The following PCDHGB4 variants were observed in gnomAD, a reference collection of about 807,000 sequenced individuals.
PCDHGB4 encodes the protein protocadherin gamma-B4.
Under a neutral mutation model 60.5 loss-of-function variants are expected in PCDHGB4, and 38 were observed. The ratio of observed to expected loss-of-function variants is 0.63; its 90% CI spans 0.48 to 0.82. The LOEUF is 0.82. Among genes scored for constraint, PCDHGB4 ranks in the 40% least tolerant of loss-of-function variants. The probability of loss-of-function intolerance (pLI) is 0.00; values close to 1 mark genes in which losing one functional copy is unlikely to be tolerated. For missense variants in PCDHGB4, 1,109 were observed against 1,209.6 expected (o/e 0.92, Z 1.23); for synonymous variants, 456 against 509.7 (o/e 0.89, Z 1.42).
intron 1 of PCDHGB4, chr5:141,394,859 C>T: frequency 6.2e-7 from 1 of 1,613,758 alleles, no homozygotes; most frequent in Non-Finnish European, 8.5e-7. Context: ...AGCCTTCGGT[C>T]GACCCGAACG....
intron 1 of PCDHGB4, chr5:141,394,755 G>A (rs2093086176): frequency 1.2e-6 from 2 of 1,613,434 alleles, no homozygotes; most frequent in Non-Finnish European, 8.5e-7. Context: ...GGCCGTCCAG[G>A]ACCATGGCCA....
At chr5:141,454,697 T>A (rs768850161) in intron 1 of PCDHGB4, among the ~76,000 whole-genome samples, 14 of 150,312 alleles carry the variant, frequency 9.3e-5, no homozygotes, top group African/African-American at 3.4e-4. Flanking sequence ...TGAGCCACCA[T>A]GCTCCACCTG....
At chr5:141,420,301 C>CT (rs768732518) in intron 1 of PCDHGB4, 1 of 1,462,190 alleles carries the variant, frequency 6.8e-7, no homozygotes, top group African/African-American at 1.4e-5. Flanking sequence ...GTATTTAATC[C>CT]TTTTTATATT....
chr5:141,420,963 A>T, intron 1 of PCDHGB4: 1 of 430,262 alleles, frequency 2.3e-6, no homozygotes, highest in Non-Finnish European at 4.1e-6. Flanking sequence ...TAGTCGTTGC[A>T]ATAATAAGAA....
At chr5:141,500,360 T>C (rs1224064939) in intron 2 of PCDHGB4, among the ~76,000 whole-genome samples, 1 of 151,664 alleles carries the variant, frequency 6.6e-6, no homozygotes, top group Non-Finnish European at 1.5e-5. Context: ...AGGCGCCCAC[T>C]ACCACGCCCG....
At chr5:141,471,637 T>C (rs1284100810) in intron 1 of PCDHGB4, 2 of 152,198 alleles carry the variant, frequency 1.3e-5, no homozygotes, top group Non-Finnish European at 2.9e-5. Context: ...TATGGATTAG[T>C]AATATACTGG....
At position 141,491,700 on chromosome 5, in the gene PCDHGB4, G is replaced by A. The variant is rs1199177466; in HGVS notation, c.2398-3107G>A. 3.1e-6 allele frequency: 5 copies of A among 1,611,830 alleles called. No homozygotes were observed. The highest frequency in any genetic ancestry group is 4.2e-6 in the Non-Finnish European group (5 of 1,179,142). On this transcript the variant is annotated intron_variant, in intron 1 of 3. Coordinates refer to ENST00000519479, the MANE Select transcript of PCDHGB4 (RefSeq NM_003736.4). The surrounding 1 kb of genome is among the most constrained non-coding windows in gnomAD (Gnocchi z 6.9). ...CTAATACGCTGCGGGAGCGGAGCCA[G>A]GTGAGGGGCTCGGCGCCGCCCCGGG...
intron 1 of PCDHGB4, among the ~76,000 whole-genome samples, chr5:141,450,379 A>C (rs1269979263): frequency 6.6e-6 from 1 of 152,144 alleles, no homozygotes; most frequent in Non-Finnish European, 1.5e-5. Flanking sequence ...GTTTATATGA[A>C]ACTGACATTT....
intron 1 of PCDHGB4, chr5:141,413,387 T>A (rs902208287): frequency 1.2e-6 from 2 of 1,613,908 alleles, no homozygotes; most frequent in Non-Finnish European, 1.7e-6. Context: ...GTCCGCATAG[T>A]CTCCAGAGGT....
chr5:141,403,324 T>C (rs769971532), intron 1 of PCDHGB4: 9 of 1,613,974 alleles, frequency 5.6e-6, no homozygotes, highest in Non-Finnish European at 6.8e-6. Context: ...TAGAAGTAAC[T>C]GATATTAACG....
chr5:141,409,881 C>T (rs2095330257), intron 1 of PCDHGB4: 1 of 1,612,978 alleles, frequency 6.2e-7, no homozygotes, highest in Non-Finnish European at 8.5e-7. Context: ...GACAACGCAC[C>T]GCGGGTGCTG....
chr5:141,393,683 G>T lies in PCDHGB4; in HGVS notation c.2397+3402G>T, dbSNP rs370409157. ...GGAAAATTAATGAAAAACAAACTCC[G>T]TTATTCCAGCTTAATGAAAATACTG... On this transcript the variant is annotated intron_variant, in intron 1 of 3. Transcript: ENST00000519479. The T allele has an allele frequency of 2.1e-5, 34 of 1,613,732 alleles. 1 individual carries two copies. The South Asian group carries it at 3.7e-4, about 18-fold the overall frequency.
chr5:141,439,150 G>A (rs971023726), intron 1 of PCDHGB4, among the ~76,000 whole-genome samples: 7 of 149,122 alleles, frequency 4.7e-5, no homozygotes, highest in South Asian at 2.1e-4. Flanking sequence ...CTGAGATCAC[G>A]CCACTGCACT....
intron 1 of PCDHGB4, among the ~76,000 whole-genome samples, chr5:141,406,715 A>G (rs2094843333): frequency 6.6e-6 from 1 of 152,252 alleles, no homozygotes; most frequent in Non-Finnish European, 1.5e-5. Flanking sequence ...CTTGCTCAAG[A>G]GAAGTTTCTA....
intron 1 of PCDHGB4, chr5:141,393,663 AT>A (rs1334579066): frequency 6.2e-7 from 1 of 1,613,820 alleles, no homozygotes; most frequent in East Asian, 2.2e-5. Flanking sequence ...ATTCCGGAAA[AT>A]TAATGAAAAA....
Position 141,431,677 on chromosome 5 carries a change from G to T in PCDHGB4, c.2397+41396G>T. The T allele has an allele frequency of 1.2e-6, 2 of 1,614,236 alleles. No homozygotes were observed. Among genetic ancestry groups the T allele is most frequent in the Non-Finnish European group, 1.7e-6 (2 of 1,180,050 alleles). ...CAGGGACAATATCAACAATAGGGGAGTTGGACCACGAGGAGTCAGGATTCT... is the reference window on the plus strand; with the variant it reads ...CAGGGACAATATCAACAATAGGGGATTTGGACCACGAGGAGTCAGGATTCT... On this transcript the variant is annotated intron_variant, in intron 1 of 3. Coordinates refer to ENST00000519479, the MANE Select transcript of PCDHGB4 (RefSeq NM_003736.4). The surrounding 1 kb of genome is among the most constrained non-coding windows in gnomAD (Gnocchi z 4.8).
At chr5:141,423,558 G>A (rs770532900) in intron 1 of PCDHGB4, 1 of 1,613,462 alleles carries the variant, frequency 6.2e-7, no homozygotes, top group African/African-American at 1.3e-5. Flanking sequence ...CCAACTATGG[G>A]GACACGCTCA....
At chr5:141,438,487 G>T (rs1030201971) in intron 1 of PCDHGB4, among the ~76,000 whole-genome samples, 9 of 150,284 alleles carry the variant, frequency 6.0e-5, no homozygotes, top group African/African-American at 2.2e-4. Flanking sequence ...GTCTCTTGGA[G>T]AAAAAAGAAT....
chr5:141,393,634 A>G (rs1589198700), intron 1 of PCDHGB4: 3 of 1,613,848 alleles, frequency 1.9e-6, no homozygotes, highest in African/African-American at 2.7e-5. Flanking sequence ...GAGGGAATCA[A>G]CGGAAAAGTG....
Sources: gnomAD v4.1 joint callset for allele counts (sites outside exome capture counted in the v4.1 genomes callset) on GRCh38, gnomAD v4.1.1 for gene constraint, Gnocchi (gnomAD v3.1) non-coding constraint, MANE v1.5 for transcripts, NCBI Gene and HGNC (gene_info 2026-07-23, HGNC 2026-07-21) for gene names.